The following RWDD3 variants were observed in gnomAD, a reference collection of about 807,000 sequenced individuals.
RWDD3 encodes the protein RWD domain-containing protein 3.
In RWDD3, 30 loss-of-function variants were observed where a neutral mutation model predicts 26.5. The observed-to-expected ratio is 1.13, with a 90% CI of 0.85 to 1.54. RWDD3 has a LOEUF of 1.54. Ranked by LOEUF, RWDD3 falls within the 40% of genes most tolerant of loss-of-function variation. The probability of loss-of-function intolerance (pLI) is 0.00; values close to 1 mark genes in which losing one functional copy is unlikely to be tolerated. For missense variants in RWDD3, 296 were observed against 309.1 expected (o/e 0.96, Z 0.32); for synonymous variants, 113 against 114.5 (o/e 0.99, Z 0.09).
At chr1:95,238,796 T>C (rs992491099) in intron 1 of RWDD3, among the ~76,000 whole-genome samples, 3 of 152,208 alleles carry the variant, frequency 2.0e-5, no homozygotes, top group Admixed American at 6.5e-5. Flanking sequence ...TTTTATTAAG[T>C]AGAATGAAAC....
At position 95,244,263 on chromosome 1, in the gene RWDD3, T is replaced by G. The variant is rs771893565; in HGVS notation, c.138T>G (p.Asp46Glu). The G allele has an allele frequency of 1.6e-5, 26 of 1,614,120 alleles. No individual in the cohort carries two copies. Among genetic ancestry groups the G allele is most frequent in the Non-Finnish European group, 1.8e-5 (21 of 1,180,050 alleles). ...RIHTKAEGFM[D>E]VDIPLELVFH... is the part of the protein sequence containing the mutation. Reference sequence around the variant, plus strand: ...ACACAAAAGCTGAAGGATTTATGGATGTGGATATACCTCTGGAATTGGTGT... The same window carrying G: ...ACACAAAAGCTGAAGGATTTATGGAGGTGGATATACCTCTGGAATTGGTGT... Residue 46 changes from aspartate to glutamate, a missense_variant, in exon 2 of 4, where the codon GAT (aspartate) becomes GAG (glutamate). Asp to Glu is a conservative substitution (Grantham distance 45, BLOSUM62 2). Transcript: ENST00000370202.
At chr1:95,242,674 T>G (rs1460348411) in intron 1 of RWDD3, among the ~76,000 whole-genome samples, 2 of 152,178 alleles carry the variant, frequency 1.3e-5, no homozygotes, top group Non-Finnish European at 2.9e-5. Flanking sequence ...ATCCCAGCAC[T>G]TTGGGAGGCC....
chr1:95,244,859 TCTGA>T (rs1657537162), intron 2 of RWDD3, 161 bp downstream of exon 2: 1 of 794,892 alleles, frequency 1.3e-6, no homozygotes, highest in Non-Finnish European at 1.9e-6. Flanking sequence ...TTAAAGAATG[TCTGA>T]CTGCTAATTA....
chr1:95,246,237 C>T, intron 2 of RWDD3: 1 of 216,168 alleles, frequency 4.6e-6, no homozygotes, highest in Non-Finnish European at 9.1e-6. Context: ...GCTATTAATT[C>T]CATTTTATGG....
At chr1:95,234,203 A>C, upstream of RWDD3, 2 of 1,560,712 alleles carry the variant, frequency 1.3e-6, no homozygotes, top group Non-Finnish European at 1.7e-6. Context: ...GCGGAAGGGG[A>C]AGCGCTGAGG....
chr1:95,246,237 C>G (rs1680847538), intron 2 of RWDD3: 1 of 216,050 alleles, frequency 4.6e-6, no homozygotes, highest in Non-Finnish European at 9.1e-6. Flanking sequence ...GCTATTAATT[C>G]CATTTTATGG....
intron 1 of RWDD3, among the ~76,000 whole-genome samples, chr1:95,235,299 G>A (rs1417097123): frequency 2.8e-5 from 4 of 143,544 alleles, no homozygotes; most frequent in Admixed American, 7.1e-5. Flanking sequence ...TGGTCCGCCC[G>A]CCTCGGCCTC....
In RWDD3 at chr1:95,235,029, TTTTA is replaced by T. The variant is rs748248910; in HGVS notation, c.85+722_85+725del. Among the ~76,000 whole-genome samples, 854 of 148,140 alleles carry T rather than the reference TTTTA, an allele frequency of 5.8e-3. 2 individuals are homozygous for T. The highest frequency in any genetic ancestry group is 0.019 in the South Asian group (85 of 4,586). ...GCGCGTGCCACCATGCCTGGCTGAATTTTATTTATTTTATTTTATTTATTTTTTA... is the reference window on the plus strand; with the variant it reads ...GCGCGTGCCACCATGCCTGGCTGAATTTTATTTTATTTTATTTATTTTTTA... On this transcript the variant is annotated intron_variant, in intron 1 of 3. Coordinates refer to ENST00000370202, the MANE Select transcript of RWDD3 (RefSeq NM_015485.5).
intron 1 of RWDD3, among the ~76,000 whole-genome samples, chr1:95,235,006 G>A (rs1176870256): frequency 6.6e-6 from 1 of 151,536 alleles, no homozygotes; most frequent in Non-Finnish European, 1.5e-5. Context: ...GATCACAGGC[G>A]CGTGCCACCA....
chr1:95,239,934 GGA>G, intron 1 of RWDD3: 14 of 1,289,524 alleles, frequency 1.1e-5, no homozygotes, highest in Non-Finnish European at 1.4e-5. Flanking sequence ...GGCACAGGTT[GGA>G]GAACACTGTG....
rs575085608 is a variant in RWDD3, at chr1:95,241,455, A to G, written c.86-2756A>G. 3.0e-4 allele frequency among the ~76,000 whole-genome samples: 46 copies of G among 152,288 alleles called. No homozygotes were observed. The South Asian group carries it at 9.5e-3, about 32-fold the overall frequency. On this transcript the variant is annotated intron_variant, in intron 1 of 3. Coordinates refer to ENST00000370202, the MANE Select transcript of RWDD3 (RefSeq NM_015485.5). The stretch of plus-strand genomic sequence containing the variant: ...GTGAGCTTAGGAACCCTCCGGTATT[A>G]TGAGGGAGCTGCTAGTGATCCTGCT...
chr1:95,242,989 T>A (rs1680698675), intron 1 of RWDD3, among the ~76,000 whole-genome samples: 1 of 152,146 alleles, frequency 6.6e-6, no homozygotes, highest in Non-Finnish European at 1.5e-5. Flanking sequence ...TTTGGAGGAA[T>A]GTACAAAGTT....
In RWDD3 at chr1:95,246,976, A is replaced by C; in HGVS notation, c.*106A>C. 8.6e-6 allele frequency: 5 copies of C among 580,612 alleles called. No homozygotes were observed. Among genetic ancestry groups the C allele is most frequent in the Non-Finnish European group, 1.4e-5 (5 of 348,416 alleles). 36.0% of individuals were successfully genotyped at this position (580,612 alleles called of 1,614,324 possible). On this transcript the variant is annotated 3_prime_UTR_variant, in exon 4 of 4. Transcript: ENST00000370202. ...ATAGTCAATTTTAAAGTTTCTCTGA[A>C]GCAAAATGATAGGCATCATTCTAAC...
In RWDD3 at chr1:95,234,242, T is replaced by A. The variant is rs1169346299; in HGVS notation, c.12T>A (p.Pro4=). The part of the protein sequence containing the change: MAE[P]VQEELSVLAA... Reference sequence around the variant, plus strand: ...TGGGGCCCACAGCCATGGCGGAGCCTGTGCAGGAGGAGCTCTCGGTCCTGG... The same window carrying A: ...TGGGGCCCACAGCCATGGCGGAGCCAGTGCAGGAGGAGCTCTCGGTCCTGG... The change falls in exon 1 of 4, where the codon CCT becomes CCA. Residue 4 remains proline (P), a synonymous_variant. Coordinates refer to ENST00000370202, the MANE Select transcript of RWDD3 (RefSeq NM_015485.5). 1 of 1,592,048 alleles carries A rather than the reference T, an allele frequency of 6.3e-7. No individual in the cohort carries two copies.
chr1:95,239,473 G>A (rs1488680108), intron 1 of RWDD3, among the ~76,000 whole-genome samples: 1 of 152,178 alleles, frequency 6.6e-6, no homozygotes. Flanking sequence ...GGGAGAAAAT[G>A]AGTTTTTAAA....
Position 95,244,701 on chromosome 1 carries a change from G to A in RWDD3, c.573+3G>A. On this transcript the variant is annotated splice_donor_region_variant and intron_variant, in intron 2 of 3. Coordinates refer to ENST00000370202, the MANE Select transcript of RWDD3 (RefSeq NM_015485.5). ...AGGGAGACAGAAACAACCTCAAGGTGCCAAAAAGTTAAATGTTGAGTATGA... is the reference window on the plus strand; with the variant it reads ...AGGGAGACAGAAACAACCTCAAGGTACCAAAAAGTTAAATGTTGAGTATGA... 1.9e-6 allele frequency: 3 copies of A among 1,609,764 alleles called. No homozygotes were observed. Among genetic ancestry groups the A allele is most frequent in the Non-Finnish European group, 2.5e-6 (3 of 1,178,368 alleles).
upstream of RWDD3, chr1:95,234,196 G>A (rs1423630927): frequency 6.4e-7 from 1 of 1,555,274 alleles, no homozygotes; most frequent in East Asian, 2.4e-5. Flanking sequence ...TGCGGCAGCG[G>A]AAGGGGAAGC....
chr1:95,246,683 G>T, intron 3 of RWDD3, 26 bp downstream of exon 3: 1 of 1,554,982 alleles, frequency 6.4e-7, no homozygotes. Flanking sequence ...ATTGCAGATG[G>T]AAAAGCAACT....
At chr1:95,239,513 C>T (rs892237800) in intron 1 of RWDD3, among the ~76,000 whole-genome samples, 1 of 152,084 alleles carries the variant, frequency 6.6e-6, no homozygotes, top group Non-Finnish European at 1.5e-5. Flanking sequence ...ACATTAAATA[C>T]CAGAAGAATG....
Sources: gnomAD v4.1 joint callset for allele counts (sites outside exome capture counted in the v4.1 genomes callset) on GRCh38, gnomAD v4.1.1 for gene constraint, MANE v1.5 for transcripts, NCBI Gene and HGNC (gene_info 2026-07-23, HGNC 2026-07-21) for gene names.